Variants in TG observed in about 807,000 individuals in gnomAD.
The protein encoded by TG is thyroglobulin.
A neutral mutation model predicts 324.7 loss-of-function variants in TG; 270 were observed. That is an observed-to-expected ratio of 0.83 (90% CI 0.75 to 0.92). The LOEUF is 0.92. Ranked by LOEUF, TG falls within the 40% of genes least tolerant of loss-of-function variation. TG has a pLI of 0.00. For synonymous variants in TG, 1,401 were observed against 1,327.0 expected (o/e 1.06, Z -1.21); for missense variants, 3,591 against 3,456.4 (o/e 1.04, Z -0.98).
chr8:132,936,638 A>G (rs983374891), intron 25 of TG, among the ~76,000 whole-genome samples: 13 of 152,222 alleles, frequency 8.5e-5, no homozygotes, highest in Admixed American at 4.6e-4. Flanking sequence ...CACATAAGGA[A>G]GTCCTCTGGG....
intron 26 of TG, 54 bp from the exon 27 acceptor site, chr8:132,948,722 C>T: frequency 1.9e-6 from 3 of 1,587,836 alleles, no homozygotes; most frequent in East Asian, 4.5e-5. Context: ...AGAGAAGAGT[C>T]TCTAAAGGTC....
At position 132,919,141 on chromosome 8, in the gene TG, C is replaced by T. The variant is rs561848054; in HGVS notation, c.4379-235C>T. ...ACCCCTATTTGAAATCCCTGTCTGA[C>T]CCTCTCATCTCCTACAAGCATGTCA... On this transcript the variant is annotated intron_variant, in intron 20 of 47. Coordinates refer to ENST00000220616, the MANE Select transcript of TG (RefSeq NM_003235.5). Among the ~76,000 whole-genome samples, 7 of 152,296 alleles carry T rather than the reference C, an allele frequency of 4.6e-5. No homozygotes were observed. In the South Asian group the frequency reaches 1.0e-3, roughly 23 times the overall value.
At chr8:133,094,063 G>A (rs1383984740) in intron 41 of TG, among the ~76,000 whole-genome samples, 2 of 152,076 alleles carry the variant, frequency 1.3e-5, no homozygotes, top group Non-Finnish European at 2.9e-5. Context: ...CAGTGTCTGA[G>A]CTACGGGGAG....
intron 34 of TG, among the ~76,000 whole-genome samples, chr8:132,978,245 A>G (rs1354283253): frequency 6.6e-6 from 1 of 152,198 alleles, no homozygotes; most frequent in Non-Finnish European, 1.5e-5. Flanking sequence ...GGAACAAGAG[A>G]GGAGGTGCCA....
chr8:132,893,859 G>T lies in TG; in HGVS notation c.2931G>T (p.Pro977=), dbSNP rs1816704875. ...ACCTCGGCCTTCCTCCGCTCTTCCC[G>T]CCCCGGGAGGCTTTCGCGGAGCAGT... The part of the protein sequence containing the change: ...NEDLGLPPLF[P]PREAFAEQFL... Residue 977 remains proline (P), a synonymous_variant, in exon 11 of 48, where the codon CCG becomes CCT. Transcript: ENST00000220616. 1 of 1,613,918 alleles carries T rather than the reference G, an allele frequency of 6.2e-7. No homozygotes were observed. Among genetic ancestry groups the T allele is most frequent in the Non-Finnish European group, 8.5e-7 (1 of 1,179,958 alleles).
At chr8:133,045,140 G>T (rs1564110344) in intron 41 of TG, 1 of 1,613,360 alleles carries the variant, frequency 6.2e-7, no homozygotes, top group Admixed American at 1.7e-5. Context: ...GGATAAGTCA[G>T]TGGGCTCCAC....
At chr8:132,868,082 C>A (rs1241259717) in intron 1 of TG, 33 bp from the exon 2 acceptor site, 1 of 1,600,134 alleles carries the variant, frequency 6.2e-7, no homozygotes, top group East Asian at 2.2e-5. Flanking sequence ...CCAGTCCACA[C>A]TCTTCTTTGA....
chr8:132,898,753 T>G, intron 13 of TG, 45 bp from the exon 14 acceptor site: 1 of 1,577,054 alleles, frequency 6.3e-7, no homozygotes, highest in Non-Finnish European at 8.7e-7. Context: ...CTCTTTCTCT[T>G]GGCTCCCACG....
chr8:132,878,415 C>T (rs193064056), intron 5 of TG, among the ~76,000 whole-genome samples: 3 of 151,924 alleles, frequency 2.0e-5, no homozygotes, highest in African/African-American at 7.3e-5. Flanking sequence ...AGGAGATTGA[C>T]GCTATCCTGG....
At chr8:132,910,564 A>G (rs1434265503) in intron 18 of TG, among the ~76,000 whole-genome samples, 1 of 149,612 alleles carries the variant, frequency 6.7e-6, no homozygotes, top group Non-Finnish European at 1.5e-5. Flanking sequence ...TGCAGCCCTC[A>G]TGAATGGGGT....
At chr8:133,043,480 T>C (rs894615176) in intron 41 of TG, among the ~76,000 whole-genome samples, 3 of 152,228 alleles carry the variant, frequency 2.0e-5, no homozygotes, top group African/African-American at 4.8e-5. Flanking sequence ...ACAAGTAATA[T>C]GTGTTATCAT....
At chr8:133,079,240 C>A (rs1262477837) in intron 41 of TG, among the ~76,000 whole-genome samples, 2 of 152,182 alleles carry the variant, frequency 1.3e-5, no homozygotes, top group Admixed American at 1.3e-4. Flanking sequence ...CCAGTACCAT[C>A]TGTGTAGGAA....
At chr8:133,031,639 T>C (rs1836649467) in intron 41 of TG, among the ~76,000 whole-genome samples, 1 of 152,148 alleles carries the variant, frequency 6.6e-6, no homozygotes, top group African/African-American at 2.4e-5. Flanking sequence ...ATCCAAACTC[T>C]TGATCCTAGG....
intron 28 of TG, among the ~76,000 whole-genome samples, chr8:132,961,595 G>A (rs559238237): frequency 3.3e-5 from 5 of 152,216 alleles, no homozygotes; most frequent in East Asian, 1.9e-4. Flanking sequence ...CCTCCTTCAC[G>A]TTTTCTGAAT....
intron 35 of TG, chr8:133,001,766 A>C (rs1833530345): frequency 1.0e-6 from 1 of 985,346 alleles, no homozygotes; most frequent in African/African-American, 1.7e-5. Context: ...TATTCTGCTT[A>C]TCACAGGGAT....
At chr8:133,063,721 T>C (rs556407431) in intron 41 of TG, 1 of 152,316 alleles carries the variant, frequency 6.6e-6, no homozygotes, top group East Asian at 1.9e-4. Flanking sequence ...GAAGGTGCTG[T>C]GTCCGGGCTA....
At chr8:132,968,125 G>T (rs1054250354) in intron 31 of TG, among the ~76,000 whole-genome samples, 155 bp downstream of exon 31, 1 of 151,906 alleles carries the variant, frequency 6.6e-6, no homozygotes, top group Non-Finnish European at 1.5e-5. Flanking sequence ...AAACTTTCAC[G>T]GTTAGAATCA....
At chr8:133,094,204 A>C (rs1848043913) in intron 41 of TG, among the ~76,000 whole-genome samples, 1 of 149,744 alleles carries the variant, frequency 6.7e-6, no homozygotes, top group African/African-American at 2.5e-5. Context: ...CCCAGCTCCT[A>C]CCACTTTCAT....
rs140980689 is a variant in TG at position 133,069,288 on chromosome 8, A to T, written c.7240-25756A>T. Among the ~76,000 whole-genome samples, 600 of 152,298 alleles carry T rather than the reference A, an allele frequency of 3.9e-3. 4 individuals carry two copies. The highest frequency in any genetic ancestry group is 0.014 in the African/African-American group (572 of 41,554). On this transcript the variant is annotated intron_variant, in intron 41 of 47. Transcript: ENST00000220616. Reference sequence around the variant, plus strand: ...ATGTGAATCACAGCATTACTCATAAACTTATCAAGCAAGATGGGAATCAGC... The same window carrying T: ...ATGTGAATCACAGCATTACTCATAATCTTATCAAGCAAGATGGGAATCAGC...
Sources: gnomAD v4.1 joint callset for allele counts (sites outside exome capture counted in the v4.1 genomes callset) on GRCh38, gnomAD v4.1.1 for gene constraint, MANE v1.5 for transcripts, NCBI Gene and HGNC (gene_info 2026-07-23, HGNC 2026-07-21) for gene names.